The following NOS1AP variants were observed in gnomAD, a reference collection of about 807,000 sequenced individuals.
The protein encoded by NOS1AP is nitric oxide synthase 1 adaptor protein.
A neutral mutation model predicts 56.2 loss-of-function variants in NOS1AP; 21 were observed. The observed-to-expected ratio is 0.37, with a 90% CI of 0.26 to 0.54. The LOEUF (loss-of-function observed/expected upper bound fraction) is 0.54, where lower values mean the gene tolerates loss of function less well. Ranked by LOEUF, NOS1AP falls within the 20% of genes least tolerant of loss-of-function variation. The probability of loss-of-function intolerance (pLI) is 0.84; values close to 1 mark genes in which losing one functional copy is unlikely to be tolerated. For synonymous variants in NOS1AP, 270 were observed against 274.6 expected (o/e 0.98, Z 0.17); for missense variants, 522 against 657.8 (o/e 0.79, Z 2.26).
intron 2 of NOS1AP, among the ~76,000 whole-genome samples, chr1:162,240,085 T>C (rs1653436581): frequency 1.3e-5 from 2 of 152,230 alleles, no homozygotes; most frequent in South Asian, 4.1e-4. Context: ...CTAGAGACAC[T>C]CATTGAAACC....
At chr1:162,247,256 T>A (rs1354368897) in intron 2 of NOS1AP, among the ~76,000 whole-genome samples, 4 of 152,182 alleles carry the variant, frequency 2.6e-5, no homozygotes, top group Non-Finnish European at 5.9e-5. Context: ...ATTCCTTCTA[T>A]CTGATCCCTC....
At chr1:162,103,400 C>T (rs899559872) in intron 1 of NOS1AP, among the ~76,000 whole-genome samples, 1 of 151,876 alleles carries the variant, frequency 6.6e-6, no homozygotes, top group Admixed American at 6.6e-5. Context: ...GAGAAGAATG[C>T]ATATTCTGTT....
intron 1 of NOS1AP, among the ~76,000 whole-genome samples, chr1:162,078,085 C>G (rs1179265252): frequency 6.6e-6 from 1 of 152,224 alleles, no homozygotes; most frequent in Admixed American, 6.5e-5. Flanking sequence ...ATACCTCCTT[C>G]TTTTGTGGCT....
intron 2 of NOS1AP, among the ~76,000 whole-genome samples, chr1:162,237,741 A>G (rs1653348933): frequency 2.0e-5 from 3 of 152,272 alleles, no homozygotes; most frequent in African/African-American, 4.8e-5. Flanking sequence ...TTCATCAGCT[A>G]TAGCACTTAA....
At chr1:162,290,666 C>T (rs376107615) in intron 3 of NOS1AP, among the ~76,000 whole-genome samples, 1 of 152,220 alleles carries the variant, frequency 6.6e-6, no homozygotes, top group Non-Finnish European at 1.5e-5. Context: ...TACAGCCTGA[C>T]ATTGCCCACT....
chr1:162,102,061 T>A (rs1647297152), intron 1 of NOS1AP, among the ~76,000 whole-genome samples: 1 of 152,216 alleles, frequency 6.6e-6, no homozygotes, highest in African/African-American at 2.4e-5. Flanking sequence ...TGCCATTCAA[T>A]ATGATATTGG....
chr1:162,227,016 T>C (rs1652967784), intron 2 of NOS1AP, among the ~76,000 whole-genome samples: 1 of 152,156 alleles, frequency 6.6e-6, no homozygotes, highest in Non-Finnish European at 1.5e-5. Flanking sequence ...GCACCATTCA[T>C]TCTCCTTTGA....
rs777758245 is a variant in NOS1AP at position 162,287,370 on chromosome 1, G to A, written c.204G>A (p.Lys68=). The change falls in exon 3 of 10, where the codon AAG becomes AAA. Residue 68 remains lysine, a synonymous_variant. Transcript: ENST00000361897. ...IRYEFKAKNI[K]KKKVSIMVSV... ...ATGAGTTTAAAGCCAAGAACATCAA[G>A]AAGAAGAAAGTGAGCATTATGGTTT... 1.2e-6 allele frequency: 2 copies of A among 1,613,162 alleles called. No homozygotes were observed. Among genetic ancestry groups the A allele is most frequent in the Admixed American group, 1.7e-5 (1 of 60,010 alleles).
chr1:162,320,818 C>T (rs1430974950), intron 4 of NOS1AP, among the ~76,000 whole-genome samples: 1 of 152,046 alleles, frequency 6.6e-6, no homozygotes, highest in Non-Finnish European at 1.5e-5. Flanking sequence ...TGCACCACTG[C>T]ATTCCAGCCT....
intron 1 of NOS1AP, among the ~76,000 whole-genome samples, chr1:162,130,456 A>G (rs1283548587): frequency 6.6e-6 from 1 of 152,212 alleles, no homozygotes; most frequent in African/African-American, 2.4e-5. Context: ...TTAGTATTAC[A>G]GGTGTTGAGC....
intron 1 of NOS1AP, among the ~76,000 whole-genome samples, chr1:162,142,438 T>C (rs978457790): frequency 1.3e-5 from 2 of 152,100 alleles, no homozygotes; most frequent in Non-Finnish European, 2.9e-5. Flanking sequence ...GTTTAAATCA[T>C]GAAAGGGTAT....
At chr1:162,300,121 AG>A (rs1214030799) in intron 3 of NOS1AP, among the ~76,000 whole-genome samples, 1 of 152,080 alleles carries the variant, frequency 6.6e-6, no homozygotes, top group Non-Finnish European at 1.5e-5. Flanking sequence ...TTGCACCTGG[AG>A]GTTGAGCCTG....
intron 2 of NOS1AP, among the ~76,000 whole-genome samples, chr1:162,216,154 C>T (rs1285397617): frequency 2.6e-5 from 4 of 152,216 alleles, no homozygotes; most frequent in Non-Finnish European, 5.9e-5. Context: ...GATTTGCATT[C>T]CTTTGCCTTC....
intron 4 of NOS1AP, among the ~76,000 whole-genome samples, chr1:162,330,192 C>T (rs1656720217): frequency 1.3e-5 from 2 of 152,182 alleles, no homozygotes; most frequent in Non-Finnish European, 2.9e-5. Context: ...GCTGAACTAA[C>T]TGGATCTGAC....
intron 4 of NOS1AP, among the ~76,000 whole-genome samples, chr1:162,330,827 G>A (rs964827806): frequency 6.6e-5 from 10 of 152,316 alleles, no homozygotes; most frequent in Admixed American, 5.9e-4. Flanking sequence ...ATAGCTTGGA[G>A]TTGAAGAGAA....
chr1:162,207,340 T>G (rs1652193744), intron 2 of NOS1AP, among the ~76,000 whole-genome samples: 1 of 152,216 alleles, frequency 6.6e-6, no homozygotes, highest in African/African-American at 2.4e-5. Context: ...TTTAGACAGC[T>G]AGGTGCTGAT....
At chr1:162,315,344 A>G (rs1294915317) in intron 4 of NOS1AP, among the ~76,000 whole-genome samples, 2 of 152,354 alleles carry the variant, frequency 1.3e-5, no homozygotes, top group East Asian at 3.9e-4. Flanking sequence ...ACTCCGCAGC[A>G]TGAGCATTTT....
intron 4 of NOS1AP, among the ~76,000 whole-genome samples, chr1:162,327,456 C>G (rs4657185): frequency 0.35 from 53,213 of 152,020 alleles, 9,620 homozygotes; most frequent in East Asian, 0.52. Flanking sequence ...AGGGGGCAAA[C>G]CTGCATCAGG....
chr1:162,321,030 C>T (rs1246758596), intron 4 of NOS1AP, among the ~76,000 whole-genome samples: 1 of 151,956 alleles, frequency 6.6e-6, no homozygotes, highest in Non-Finnish European at 1.5e-5. Flanking sequence ...AATGGTATTG[C>T]CTAGGTTTTC....
Sources: gnomAD v4.1 joint callset for allele counts (sites outside exome capture counted in the v4.1 genomes callset) on GRCh38, gnomAD v4.1.1 for gene constraint, MANE v1.5 for transcripts, NCBI Gene and HGNC (gene_info 2026-07-23, HGNC 2026-07-21) for gene names.